Variants in DTNA observed in about 807,000 individuals in gnomAD.
DTNA encodes dystrophin-related protein 3.
In DTNA, 43 loss-of-function variants were observed where a neutral mutation model predicts 100.7. The observed-to-expected ratio is 0.43, with a 90% CI of 0.33 to 0.55. The LOEUF is 0.55. DTNA is among the 20% of genes least tolerant of loss of function. The pLI, the probability that DTNA is intolerant of heterozygous loss-of-function variation, is 0.04. For synonymous variants in DTNA, 349 were observed against 347.9 expected (o/e 1.00, Z -0.04); for missense variants, 798 against 953.9 (o/e 0.84, Z 2.15).
At chr18:34,834,130 C>A (rs1602987455) in intron 11 of DTNA, among the ~76,000 whole-genome samples, 2 of 152,176 alleles carry the variant, frequency 1.3e-5, no homozygotes, top group East Asian at 1.9e-4. Flanking sequence ...TCATAATAAG[C>A]CACACATCAT....
chr18:34,705,965 G>A (rs770571029), upstream of DTNA, among the ~76,000 whole-genome samples: 3 of 151,258 alleles, frequency 2.0e-5, no homozygotes, highest in South Asian at 2.1e-4. Flanking sequence ...TTTTTTTTTC[G>A]AGATGGAGTT....
At chr18:34,657,440 T>G (rs2074550515) in intron 1 of DTNA, among the ~76,000 whole-genome samples, 1 of 152,200 alleles carries the variant, frequency 6.6e-6, no homozygotes, top group Non-Finnish European at 1.5e-5. Flanking sequence ...TTGTCCAAAC[T>G]GAAAGAGTTA....
At chr18:34,842,459 C>T (rs1264353862) in intron 13 of DTNA, among the ~76,000 whole-genome samples, 1 of 152,062 alleles carries the variant, frequency 6.6e-6, no homozygotes, top group Non-Finnish European at 1.5e-5. Flanking sequence ...TTAATAGATT[C>T]CTATTGGACC....
chr18:34,654,763 G>A (rs1009195774), intron 1 of DTNA, among the ~76,000 whole-genome samples: 2 of 151,758 alleles, frequency 1.3e-5, no homozygotes, highest in African/African-American at 4.8e-5. Flanking sequence ...AGTTTGCTCT[G>A]TCACCCAGGC....
intron 15 of DTNA, among the ~76,000 whole-genome samples, chr18:34,856,464 G>C (rs974515685): frequency 1.3e-5 from 2 of 152,210 alleles, no homozygotes; most frequent in Non-Finnish European, 2.9e-5. Context: ...AGCACCTTTG[G>C]TGGAGCCAGT....
At chr18:34,628,144 A>G (rs1315460867) in intron 1 of DTNA, among the ~76,000 whole-genome samples, 1 of 151,812 alleles carries the variant, frequency 6.6e-6, no homozygotes, top group Non-Finnish European at 1.5e-5. Context: ...GTTATCTACA[A>G]TAGCTATGAA....
intron 1 of DTNA, among the ~76,000 whole-genome samples, chr18:34,670,708 G>T (rs2076623347): frequency 6.6e-6 from 1 of 152,192 alleles, no homozygotes. Flanking sequence ...TTTGGCCTGG[G>T]TATCAGCATT....
chr18:34,610,649 T>C lies in DTNA; in HGVS notation c.-2+117135T>C, dbSNP rs1378373966. ...GAAAATGAAATACTTAAGAAAACTG[T>C]GATAAATCCACTCAGTAAAATAATA... On this transcript the variant is annotated intron_variant, in intron 1 of 19. Transcript: ENST00000283365. Among the ~76,000 whole-genome samples the C allele has an allele frequency of 3.3e-5, 5 of 152,210 alleles. No homozygotes were observed. In the East Asian group the frequency reaches 9.6e-4, roughly 29 times the overall value.
intron 1 of DTNA, among the ~76,000 whole-genome samples, chr18:34,725,857 A>T (rs759965677): frequency 1.6e-4 from 25 of 152,242 alleles, no homozygotes; most frequent in Non-Finnish European, 3.4e-4. Flanking sequence ...CCAAATGTCC[A>T]TCGATGATAG....
At chr18:34,613,052 A>C (rs1298624096) in intron 1 of DTNA, among the ~76,000 whole-genome samples, 1 of 152,108 alleles carries the variant, frequency 6.6e-6, no homozygotes, top group Non-Finnish European at 1.5e-5. Context: ...TTCCAACAAC[A>C]TGTGCTCACT....
intron 1 of DTNA, among the ~76,000 whole-genome samples, chr18:34,513,075 T>C (rs1249186859): frequency 6.6e-6 from 1 of 152,110 alleles, no homozygotes; most frequent in Non-Finnish European, 1.5e-5. Flanking sequence ...AGCACTGTTT[T>C]AGATTGTCAT....
In DTNA at chr18:34,539,763, C is replaced by T. The variant is rs143543494; in HGVS notation, c.-2+46249C>T. ...CTTGGACTAAAGTGATTTAGGAATTCTGTTAAAGAAAGAAGTCCATGAATT... is the reference window on the plus strand; with the variant it reads ...CTTGGACTAAAGTGATTTAGGAATTTTGTTAAAGAAAGAAGTCCATGAATT... On this transcript the variant is annotated intron_variant, in intron 1 of 19. Coordinates refer to the DTNA transcript ENST00000283365. 1.7e-3 allele frequency among the ~76,000 whole-genome samples: 263 copies of T among 151,796 alleles called. 1 individual carries two copies. The highest frequency in any genetic ancestry group is 5.9e-3 in the African/African-American group (245 of 41,450).
chr18:34,579,354 T>G (rs1426531889), intron 1 of DTNA, among the ~76,000 whole-genome samples: 2 of 152,160 alleles, frequency 1.3e-5, no homozygotes, highest in African/African-American at 4.8e-5. Flanking sequence ...TTTTAAAAGG[T>G]CTTTTATACT....
rs1306959514 is a variant in DTNA, at chr18:34,827,650, C to T, written c.1059C>T (p.Ser353=). The change falls in exon 10 of 23, where the codon TCC becomes TCT. Residue 353 remains serine, a synonymous_variant. Coordinates refer to ENST00000444659, the MANE Select transcript of DTNA (RefSeq NM_001386795.1). ...NDTLFSHSVP[S]SGSPFITRRL... is the part of the protein sequence containing the mutation. ...CCCTGTTCTCCCACTCTGTTCCCTC[C>T]TCAGGAAGTCCTTTTATTACCAGGA... is the stretch of plus-strand genomic sequence containing the variant. 4 of 1,613,940 alleles carry T rather than the reference C, an allele frequency of 2.5e-6. No individual in the cohort carries two copies. Among genetic ancestry groups the T allele is most frequent in the Admixed American group, 3.3e-5 (2 of 60,014 alleles).
chr18:34,498,767 A>AC (rs2039567901), intron 1 of DTNA, among the ~76,000 whole-genome samples: 1 of 152,158 alleles, frequency 6.6e-6, no homozygotes, highest in East Asian at 1.9e-4. Flanking sequence ...CTTGTCACAT[A>AC]CCCCAAAATA....
At chr18:34,799,083 T>G (rs2095106301) in intron 4 of DTNA, among the ~76,000 whole-genome samples, 1 of 152,232 alleles carries the variant, frequency 6.6e-6, no homozygotes, top group African/African-American at 2.4e-5. Context: ...TTTATACACA[T>G]TTGAAAGAGT....
intron 1 of DTNA, among the ~76,000 whole-genome samples, chr18:34,751,051 C>T (rs566724968): frequency 3.9e-5 from 6 of 152,338 alleles, no homozygotes; most frequent in Admixed American, 1.3e-4. Flanking sequence ...CCCTGTCCAG[C>T]GGTGCAACCC....
chr18:34,867,420 A>G, intron 17 of DTNA: 1 of 1,227,428 alleles, frequency 8.1e-7, no homozygotes, highest in Non-Finnish European at 1.0e-6. Context: ...TGAAGGACAC[A>G]TAACACATAC....
intron 1 of DTNA, among the ~76,000 whole-genome samples, chr18:34,541,684 C>A (rs2044262112): frequency 6.6e-6 from 1 of 151,976 alleles, no homozygotes; most frequent in African/African-American, 2.4e-5. Flanking sequence ...AATACAGGAA[C>A]ATTCAGGAAA....
Sources: gnomAD v4.1 joint callset for allele counts (sites outside exome capture counted in the v4.1 genomes callset) on GRCh38, gnomAD v4.1.1 for gene constraint, MANE v1.5 for transcripts, NCBI Gene and HGNC (gene_info 2026-07-23, HGNC 2026-07-21) for gene names.